The following MLIP variants were observed in gnomAD, a reference collection of about 807,000 sequenced individuals.
The protein encoded by MLIP is muscular LMNA-interacting protein.
Under a neutral mutation model 84.8 loss-of-function variants are expected in MLIP, and 79 were observed. That is an observed-to-expected ratio of 0.93 (90% CI 0.78 to 1.12). MLIP has a LOEUF of 1.12. MLIP is among the 50% of genes most tolerant of loss of function. The pLI is 0.00. For missense variants in MLIP, 1,257 were observed against 1,160.6 expected (o/e 1.08, Z -1.21); for synonymous variants, 504 against 463.0 (o/e 1.09, Z -1.14).
chr6:54,171,316 G>T (rs1409622591), intron 9 of MLIP, among the ~76,000 whole-genome samples: 2 of 151,616 alleles, frequency 1.3e-5, no homozygotes, highest in African/African-American at 4.8e-5. Context: ...GTATAGGCTA[G>T]AACAAATATA....
intron 12 of MLIP, among the ~76,000 whole-genome samples, chr6:54,240,316 A>G (rs1157200386): frequency 6.6e-6 from 1 of 152,128 alleles, no homozygotes; most frequent in Non-Finnish European, 1.5e-5. Flanking sequence ...CTCCTAGGCC[A>G]TTACTCTCAT....
At chr6:54,265,263 T>C (rs1333098240) in intron 13 of MLIP, among the ~76,000 whole-genome samples, 1 of 152,118 alleles carries the variant, frequency 6.6e-6, no homozygotes, top group African/African-American at 2.4e-5. Flanking sequence ...TTTTATACTT[T>C]CTTTTGTATA....
rs745556276 is a variant in MLIP at position 54,137,617 on chromosome 6, C to T, written c.1548C>T (p.Ser516=). ...PSLSPTKQAS[S]SLASMNVERT... Reference sequence around the variant, plus strand: ...TCTCTCCTACAAAACAGGCTAGTAGCAGCCTTGCTTCCATGAATGTAGAGA... The same window carrying T: ...TCTCTCCTACAAAACAGGCTAGTAGTAGCCTTGCTTCCATGAATGTAGAGA... The change falls in exon 4 of 14, where the codon AGC becomes AGT. Residue 516 remains serine (S), a synonymous_variant. Transcript: ENST00000502396. 4.4e-5 allele frequency: 67 copies of T among 1,536,100 alleles called. No homozygotes were observed. In the South Asian group the frequency reaches 5.4e-4, roughly 12 times the overall value.
intron 5 of MLIP, among the ~76,000 whole-genome samples, chr6:54,157,158 G>A (rs1428857416): frequency 2.6e-5 from 4 of 152,076 alleles, no homozygotes; most frequent in Non-Finnish European, 4.4e-5. Context: ...TGGTGAGCAA[G>A]GGCCAGAACA....
At chr6:54,197,245 A>T (rs1471215073) in intron 10 of MLIP, among the ~76,000 whole-genome samples, 1 of 152,056 alleles carries the variant, frequency 6.6e-6, no homozygotes. Context: ...GAGAGTTGAC[A>T]TGACTTGATG....
At chr6:54,209,824 C>G (rs1779291020) in intron 11 of MLIP, among the ~76,000 whole-genome samples, 2 of 152,144 alleles carry the variant, frequency 1.3e-5, no homozygotes, top group East Asian at 3.9e-4. Flanking sequence ...AGCACTAAAA[C>G]TTAGAGATAC....
intron 5 of MLIP, among the ~76,000 whole-genome samples, chr6:54,159,883 A>G (rs1774432739): frequency 6.6e-6 from 1 of 152,076 alleles, no homozygotes; most frequent in Non-Finnish European, 1.5e-5. Flanking sequence ...TGCATAAGCA[A>G]AAAGAACAAA....
chr6:54,045,982 G>A (rs1765026415), intron 1 of MLIP: 2 of 152,140 alleles, frequency 1.3e-5, no homozygotes, highest in South Asian at 4.1e-4. Flanking sequence ...GTGCGAGAAT[G>A]GACTAATACA....
At chr6:54,047,654 T>C (rs1032629969) in intron 1 of MLIP, 1 of 152,232 alleles carries the variant, frequency 6.6e-6, no homozygotes, top group Non-Finnish European at 1.5e-5. Flanking sequence ...ATCGACGTGA[T>C]GTCACTGTTG....
chr6:54,133,280 A>G (rs1420680890), intron 3 of MLIP, among the ~76,000 whole-genome samples: 1 of 152,206 alleles, frequency 6.6e-6, no homozygotes, highest in Non-Finnish European at 1.5e-5. Context: ...TAAGAACACC[A>G]GAAAAGATTA....
rs1252352816 is a variant in MLIP, at chr6:54,074,820, AG to A, written c.64-46626del. On this transcript the variant is annotated intron_variant, in intron 1 of 12. Coordinates refer to the MLIP transcript ENST00000274897. Reference sequence around the variant, plus strand: ...GGAGCCTGCATGTCTGTGAGGGATTAGAAACACTAGATGCGAAACACCTGGT... The same window carrying A: ...GGAGCCTGCATGTCTGTGAGGGATTAAAACACTAGATGCGAAACACCTGGT... 3.9e-5 allele frequency among the ~76,000 whole-genome samples: 6 copies of A among 152,344 alleles called. No homozygotes were observed. The East Asian group carries it at 1.2e-3, about 29-fold the overall frequency.
In MLIP at chr6:54,263,967, C is replaced by T. The variant is rs536610506; in HGVS notation, c.2977-1983C>T. ...ATTCCCAAGTTTTTTAGCTCTTTAC[C>T]TATAATGAGATTGGCAAATAAACCC... On this transcript the variant is annotated intron_variant, in intron 13 of 13. Transcript: ENST00000502396. Among the ~76,000 whole-genome samples, 8 of 152,082 alleles carry T rather than the reference C, an allele frequency of 5.3e-5. No homozygotes were observed. The East Asian group carries it at 1.5e-3, about 29-fold the overall frequency.
chr6:54,075,796 A>G (rs1766769159), intron 1 of MLIP, among the ~76,000 whole-genome samples: 1 of 152,118 alleles, frequency 6.6e-6, no homozygotes, highest in Non-Finnish European at 1.5e-5. Flanking sequence ...TTTCCTGGTG[A>G]TTAGGTTCCC....
intron 3 of MLIP, among the ~76,000 whole-genome samples, chr6:54,135,874 C>T (rs1771753455): frequency 6.6e-6 from 1 of 152,132 alleles, no homozygotes; most frequent in Non-Finnish European, 1.5e-5. Context: ...TCCCTAGCTT[C>T]TCTTGTAAAA....
intron 4 of MLIP, among the ~76,000 whole-genome samples, chr6:54,143,191 A>G (rs1240456262): frequency 6.7e-6 from 1 of 149,726 alleles, no homozygotes; most frequent in Non-Finnish European, 1.5e-5. Flanking sequence ...CTTCCTCTCT[A>G]ACCCCGCACT....
At chr6:54,060,452 A>G (rs1266298437) in intron 1 of MLIP, among the ~76,000 whole-genome samples, 1 of 152,206 alleles carries the variant, frequency 6.6e-6, no homozygotes, top group African/African-American at 2.4e-5. Flanking sequence ...AGAGTCAGAG[A>G]AAACAGGAAG....
chr6:54,261,812 T>C, intron 13 of MLIP: 1 of 827,402 alleles, frequency 1.2e-6, no homozygotes, highest in Non-Finnish European at 1.5e-6. Flanking sequence ...AAAGGCCCAC[T>C]CTATTCTTTT....
chr6:54,036,376 T>C (rs1033356124), intron 1 of MLIP, among the ~76,000 whole-genome samples: 2 of 151,726 alleles, frequency 1.3e-5, no homozygotes, highest in South Asian at 2.1e-4. Context: ...AAATCATGAG[T>C]GAACTCCCAG....
At chr6:54,044,121 T>C (rs1323103544) in intron 1 of MLIP, among the ~76,000 whole-genome samples, 1 of 152,244 alleles carries the variant, frequency 6.6e-6, no homozygotes. Flanking sequence ...TTGTTGCTGG[T>C]GCAGACTCAG....
Sources: gnomAD v4.1 joint callset for allele counts (sites outside exome capture counted in the v4.1 genomes callset) on GRCh38, gnomAD v4.1.1 for gene constraint, MANE v1.5 for transcripts, NCBI Gene and HGNC (gene_info 2026-07-23, HGNC 2026-07-21) for gene names.